TBC1D2B: variants seen among roughly 807,000 people sequenced by gnomAD.
TBC1D2B encodes the protein TBC1 domain family member 2B.
In TBC1D2B, 64 loss-of-function variants were observed where a neutral mutation model predicts 100.8. The observed-to-expected ratio is 0.64, with a 90% CI of 0.52 to 0.78. TBC1D2B has a LOEUF of 0.78. Ranked by LOEUF, TBC1D2B falls within the 30% of genes least tolerant of loss-of-function variation. The pLI, the probability that TBC1D2B is intolerant of heterozygous loss-of-function variation, is 0.00. For missense variants in TBC1D2B, 1,052 were observed against 1,218.4 expected (o/e 0.86, Z 2.03); for synonymous variants, 480 against 479.7 (o/e 1.00, Z -0.01).
intron 1 of TBC1D2B, among the ~76,000 whole-genome samples, chr15:78,071,533 C>T (rs773907989): frequency 4.6e-5 from 7 of 152,094 alleles, no homozygotes; most frequent in Admixed American, 6.5e-5. Context: ...ATATGAGACC[C>T]GAAAATATGG....
chr15:78,063,132 CAT>C (rs1457559226), intron 1 of TBC1D2B, among the ~76,000 whole-genome samples: 21 of 152,314 alleles, frequency 1.4e-4, no homozygotes, highest in African/African-American at 4.3e-4. Context: ...ACCCACTTAA[CAT>C]GTGTTAAGCT....
chr15:78,047,400 G>A (rs969303386), intron 2 of TBC1D2B, among the ~76,000 whole-genome samples: 1 of 152,102 alleles, frequency 6.6e-6, no homozygotes, highest in African/African-American at 2.4e-5. Flanking sequence ...AGAGACATAA[G>A]TAAAACAGTA....
At chr15:78,030,846 G>T (rs1217552186) in intron 3 of TBC1D2B, among the ~76,000 whole-genome samples, 1 of 152,144 alleles carries the variant, frequency 6.6e-6, no homozygotes, top group East Asian at 1.9e-4. Flanking sequence ...ATGAACAGGA[G>T]AATAAACTGT....
intron 2 of TBC1D2B, among the ~76,000 whole-genome samples, chr15:78,051,043 A>G (rs190276323): frequency 1.5e-3 from 232 of 152,322 alleles, no homozygotes; most frequent in African/African-American, 5.2e-3. Context: ...CCCCAGGGGC[A>G]GCTAGCATGA....
chr15:78,011,130 C>T (rs2072211235), intron 9 of TBC1D2B, among the ~76,000 whole-genome samples: 1 of 152,138 alleles, frequency 6.6e-6, no homozygotes, highest in Non-Finnish European at 1.5e-5. Context: ...AAAGTGGAGA[C>T]TGTCTAGGAG....
rs115615792 is a variant in TBC1D2B, at chr15:78,020,134, C to T, written c.1471-2177G>A. Among the ~76,000 whole-genome samples the T allele has an allele frequency of 7.9e-3, 1,202 of 152,274 alleles. 18 individuals are homozygous for T. The highest frequency in any genetic ancestry group is 0.027 in the African/African-American group (1,140 of 41,558). Reference sequence around the variant, plus strand: ...TTGGCCTTAAGTGATCCTCTTGCCTCGGCCTCCCAAAGCACTGGGATTACA... The same window carrying T: ...TTGGCCTTAAGTGATCCTCTTGCCTTGGCCTCCCAAAGCACTGGGATTACA... On this transcript the variant is annotated intron_variant, in intron 6 of 12. Transcript: ENST00000300584.
At chr15:78,034,263 C>A (rs1444834915) in intron 3 of TBC1D2B, among the ~76,000 whole-genome samples, 1 of 152,118 alleles carries the variant, frequency 6.6e-6, no homozygotes, top group Non-Finnish European at 1.5e-5. Context: ...AATAGCTGCT[C>A]AAAAAGAAAA....
At chr15:78,039,711 C>T (rs1267283079) in intron 3 of TBC1D2B, among the ~76,000 whole-genome samples, 1 of 151,488 alleles carries the variant, frequency 6.6e-6, no homozygotes, top group African/African-American at 2.4e-5. Context: ...TTATTTATAA[C>T]CTTAACACTC....
At chr15:78,057,633 G>A (rs1200024025) in intron 1 of TBC1D2B, among the ~76,000 whole-genome samples, 1 of 151,960 alleles carries the variant, frequency 6.6e-6, no homozygotes, top group South Asian at 2.1e-4. Context: ...GCGACAGTGA[G>A]ACTCTGTCTC....
At chr15:78,076,515 G>C (rs888599139) in intron 1 of TBC1D2B, among the ~76,000 whole-genome samples, 2 of 152,134 alleles carry the variant, frequency 1.3e-5, no homozygotes, top group African/African-American at 2.4e-5. Flanking sequence ...GAAGCTGGAT[G>C]GGGAGGATGG....
intron 1 of TBC1D2B, among the ~76,000 whole-genome samples, chr15:78,073,691 G>A (rs189781593): frequency 1.6e-3 from 237 of 152,260 alleles, no homozygotes; most frequent in Non-Finnish European, 2.2e-3. Context: ...CACACGCCTG[G>A]CTGGGTGCGG....
At chr15:78,034,751 A>G (rs896501895) in intron 3 of TBC1D2B, 1 of 985,194 alleles carries the variant, frequency 1.0e-6, no homozygotes, top group Non-Finnish European at 1.2e-6. Flanking sequence ...TGGATAAGAG[A>G]GAAATGGAAT....
At chr15:78,053,574 T>C (rs2073359081) in intron 2 of TBC1D2B, among the ~76,000 whole-genome samples, 1 of 152,192 alleles carries the variant, frequency 6.6e-6, no homozygotes, top group Non-Finnish European at 1.5e-5. Context: ...CAGGATAGAA[T>C]GAAATCAATG....
At chr15:78,029,899 T>C (rs189507650) in intron 4 of TBC1D2B, 108 bp downstream of exon 4, 22 of 832,456 alleles carry the variant, frequency 2.6e-5, no homozygotes, top group Non-Finnish European at 3.7e-5. Context: ...CAAGCCCCCA[T>C]TGGTCCTTAT....
intron 10 of TBC1D2B, among the ~76,000 whole-genome samples, chr15:78,003,979 T>C (rs1446014370): frequency 6.6e-6 from 1 of 152,208 alleles, no homozygotes; most frequent in Admixed American, 6.5e-5. Flanking sequence ...TGGCGAGGAC[T>C]CCGGCGTCAC....
intron 3 of TBC1D2B, among the ~76,000 whole-genome samples, chr15:78,032,362 G>C (rs2072837487): frequency 6.6e-6 from 1 of 152,018 alleles, no homozygotes; most frequent in Admixed American, 6.5e-5. Context: ...AACTGTTCCA[G>C]AGTCATTTAA....
chr15:78,016,657 G>A lies in TBC1D2B; in HGVS notation c.1664C>T (p.Ser555Leu), dbSNP rs1410739289. 1 of 1,611,058 alleles carries A rather than the reference G, an allele frequency of 6.2e-7. No individual in the cohort carries two copies. Among genetic ancestry groups the A allele is most frequent in the Non-Finnish European group, 8.5e-7 (1 of 1,178,864 alleles). Reference protein sequence around the residue: ...LLQEMKTPVCSEDQGPTREVI... With the variant: ...LLQEMKTPVCLEDQGPTREVI... Reference sequence around the variant, plus strand: ...CTCCCGGGTGGGCCCCTGGTCTTCTGAGCACACTGGTGTCTTCATTTCTTG... The same window carrying A: ...CTCCCGGGTGGGCCCCTGGTCTTCTAAGCACACTGGTGTCTTCATTTCTTG... Residue 555 changes from serine (S) to leucine (L), a missense_variant, in exon 8 of 13, where the codon TCA becomes TTA. Ser to Leu is a moderately radical substitution (Grantham distance 145). Coordinates refer to ENST00000300584, the MANE Select transcript of TBC1D2B (RefSeq NM_144572.2).
At chr15:78,054,320 TTACAAGA>T in intron 1 of TBC1D2B, 133 bp from the exon 2 acceptor site, 1 of 894,060 alleles carries the variant, frequency 1.1e-6, no homozygotes, top group Non-Finnish European at 1.6e-6. Flanking sequence ...GAAACTTCAG[TTACAAGA>T]TTAGTAGCTT....
intron 10 of TBC1D2B, among the ~76,000 whole-genome samples, chr15:78,006,579 C>T (rs2072074202): frequency 6.6e-6 from 1 of 152,196 alleles, no homozygotes; most frequent in South Asian, 2.1e-4. Context: ...TTCTAGGAGG[C>T]CGTGGGCACA....
Sources: allele counts gnomAD v4.1 joint callset (sites outside exome capture counted in the v4.1 genomes callset), GRCh38; gene constraint gnomAD v4.1.1; transcripts MANE v1.5; gene names NCBI Gene and HGNC (gene_info 2026-07-23, HGNC 2026-07-21).